The following DCC variants were observed in gnomAD, a reference collection of about 807,000 sequenced individuals.
DCC encodes the protein DCC netrin 1 receptor.
A neutral mutation model predicts 172.5 loss-of-function variants in DCC; 58 were observed. The observed-to-expected ratio is 0.34, with a 90% CI of 0.27 to 0.42. The LOEUF (loss-of-function observed/expected upper bound fraction) is 0.42. DCC is among the 10% of genes least tolerant of loss of function. DCC has a pLI of 1.00. For synonymous variants in DCC, 709 were observed against 644.5 expected (o/e 1.10, Z -1.52); for missense variants, 1,740 against 1,791.0 (o/e 0.97, Z 0.51).
chr18:53,317,116 C>T (rs1351867300), intron 13 of DCC, among the ~76,000 whole-genome samples: 1 of 149,954 alleles, frequency 6.7e-6, no homozygotes, highest in African/African-American at 2.5e-5. Context: ...GAGATACGTT[C>T]CATCAATACC....
chr18:52,921,404 A>G (rs1019444786), intron 3 of DCC, among the ~76,000 whole-genome samples: 4 of 124,274 alleles, frequency 3.2e-5, no homozygotes, highest in African/African-American at 1.2e-4. Context: ...AAATAGTTTG[A>G]GTGGAAAACC....
At chr18:52,547,387 T>G (rs1301626428) in intron 1 of DCC, among the ~76,000 whole-genome samples, 4 of 152,208 alleles carry the variant, frequency 2.6e-5, no homozygotes, top group African/African-American at 7.2e-5. Flanking sequence ...GGATATGCAT[T>G]AATTTTAGTC....
intron 27 of DCC, among the ~76,000 whole-genome samples, chr18:53,517,664 G>A (rs2046352865): frequency 6.6e-6 from 1 of 151,992 alleles, no homozygotes; most frequent in Non-Finnish European, 1.5e-5. Context: ...AAGGAGCAGA[G>A]AGGGGAGCAG....
At chr18:53,501,433 G>A (rs1185739984) in intron 27 of DCC, among the ~76,000 whole-genome samples, 1 of 151,978 alleles carries the variant, frequency 6.6e-6, no homozygotes, top group East Asian at 1.9e-4. Flanking sequence ...ATAAGAAAAA[G>A]ACTAATAAAA....
At chr18:52,543,259 A>C (rs2032514384) in intron 1 of DCC, among the ~76,000 whole-genome samples, 1 of 152,218 alleles carries the variant, frequency 6.6e-6, no homozygotes, top group African/African-American at 2.4e-5. Context: ...TCTCCTATTC[A>C]ACCCAATATA....
chr18:53,340,195 A>T (rs2057641791), intron 15 of DCC, among the ~76,000 whole-genome samples: 1 of 152,122 alleles, frequency 6.6e-6, no homozygotes, highest in South Asian at 2.1e-4. Context: ...GGGTTATAGG[A>T]TACAAAAAGT....
At position 52,558,870 on chromosome 18, in the gene DCC, AT is replaced by A. The variant is rs558808651; in HGVS notation, c.92-193180del. 2.8e-4 allele frequency among the ~76,000 whole-genome samples: 42 copies of A among 152,316 alleles called. 3 individuals are homozygous for A. The South Asian group carries it at 8.7e-3, about 32-fold the overall frequency. On this transcript the variant is annotated intron_variant, in intron 1 of 28. Coordinates refer to ENST00000442544, the MANE Select transcript of DCC (RefSeq NM_005215.4). Reference sequence around the variant, plus strand: ...GTGAACACATAGTTAGAAATATAGAATTTTAGAGCCAAAGGAAGCCTCAGCT... The same window carrying A: ...GTGAACACATAGTTAGAAATATAGAATTTAGAGCCAAAGGAAGCCTCAGCT...
intron 25 of DCC, among the ~76,000 whole-genome samples, chr18:53,469,739 C>T (rs1004692504): frequency 1.6e-4 from 24 of 151,984 alleles, no homozygotes; most frequent in Admixed American, 1.2e-3. Context: ...CACTCAATGC[C>T]ACTTCCCCCT....
At chr18:53,062,391 G>C (rs930838744) in intron 5 of DCC, among the ~76,000 whole-genome samples, 1 of 152,042 alleles carries the variant, frequency 6.6e-6, no homozygotes, top group Non-Finnish European at 1.5e-5. Context: ...TCTACCTTTG[G>C]TAATGGCTAC....
intron 2 of DCC, chr18:52,809,396 C>T (rs1333584853): frequency 1.9e-5 from 3 of 162,126 alleles, no homozygotes; most frequent in Non-Finnish European, 3.9e-5. Context: ...CTCATGGATT[C>T]CAAGGAATGG....
chr18:52,553,567 T>C (rs1373220525), intron 1 of DCC, among the ~76,000 whole-genome samples: 6 of 151,968 alleles, frequency 3.9e-5, no homozygotes, highest in Admixed American at 3.3e-4. Flanking sequence ...AGGCAGGCAC[T>C]GTGTGAATTT....
chr18:52,600,357 A>G (rs1240394076), intron 1 of DCC, among the ~76,000 whole-genome samples: 1 of 152,132 alleles, frequency 6.6e-6, no homozygotes, highest in African/African-American at 2.4e-5. Context: ...TTCCTATTGC[A>G]TTGGTCATTT....
chr18:53,381,341 G>T (rs963457152), intron 15 of DCC, among the ~76,000 whole-genome samples: 11 of 151,736 alleles, frequency 7.2e-5, no homozygotes, highest in Admixed American at 1.3e-4. Context: ...TAAGCATCTG[G>T]GTGGTGGGAA....
At chr18:52,956,480 C>A (rs1276344284) in intron 5 of DCC, among the ~76,000 whole-genome samples, 2 of 152,024 alleles carry the variant, frequency 1.3e-5, no homozygotes, top group African/African-American at 4.8e-5. Context: ...ATTACTATAA[C>A]CTTATTTAGT....
At chr18:52,342,159 G>A (rs887571757) in intron 1 of DCC, among the ~76,000 whole-genome samples, 1 of 152,318 alleles carries the variant, frequency 6.6e-6, no homozygotes, top group East Asian at 1.9e-4. Context: ...GGCAGCCCGA[G>A]GCTCCCCAAA....
At chr18:53,117,622 G>A (rs1256338626) in intron 7 of DCC, among the ~76,000 whole-genome samples, 1 of 151,658 alleles carries the variant, frequency 6.6e-6, no homozygotes, top group Non-Finnish European at 1.5e-5. Flanking sequence ...ATTGAATTAA[G>A]GGCATTCAGA....
At chr18:53,005,379 A>T (rs1568239679) in intron 5 of DCC, among the ~76,000 whole-genome samples, 1 of 152,118 alleles carries the variant, frequency 6.6e-6, no homozygotes, top group African/African-American at 2.4e-5. Flanking sequence ...TCCTATATGG[A>T]TATTACGTCA....
intron 12 of DCC, among the ~76,000 whole-genome samples, chr18:53,269,066 A>G (rs527552412): frequency 1.3e-5 from 2 of 152,230 alleles, no homozygotes; most frequent in East Asian, 3.9e-4. Context: ...AGAGTTCACA[A>G]CAATTATCCT....
Position 53,275,197 on chromosome 18 carries a change from A to G in DCC, c.1912-30381A>G, listed in dbSNP as rs111348705. 3.9e-5 allele frequency among the ~76,000 whole-genome samples: 6 copies of G among 152,276 alleles called. 1 individual carries two copies. The highest frequency in any genetic ancestry group is 1.2e-4 in the African/African-American group (5 of 41,564). On this transcript the variant is annotated intron_variant, in intron 12 of 28. Transcript: ENST00000442544. ...TCCCATCTTAAGAGATAAAACATGC[A>G]TTGAAAAAACTATTAGAGAACAACA...
Sources: allele counts gnomAD v4.1 joint callset (sites outside exome capture counted in the v4.1 genomes callset), GRCh38; gene constraint gnomAD v4.1.1; transcripts MANE v1.5; gene names NCBI Gene and HGNC (gene_info 2026-07-23, HGNC 2026-07-21).